The following NTSR1 variants were observed in gnomAD, a reference collection of about 807,000 sequenced individuals.
The protein encoded by NTSR1 is neurotensin receptor 1.
NTSR1 carries 29 observed loss-of-function variants against 31.2 expected under a neutral mutation model. The observed-to-expected ratio is 0.93, with a 90% CI of 0.69 to 1.27. The LOEUF (loss-of-function observed/expected upper bound fraction) is 1.27, where lower values mean the gene tolerates loss of function less well. Ranked by LOEUF, NTSR1 falls within the 50% of genes most tolerant of loss-of-function variation. The pLI is 0.00. For missense variants in NTSR1, 697 were observed against 595.4 expected (o/e 1.17, Z -1.78); for synonymous variants, 282 against 269.9 (o/e 1.04, Z -0.44).
At chr20:62,736,480 G>T (rs1200312339) in intron 1 of NTSR1, among the ~76,000 whole-genome samples, 1 of 152,268 alleles carries the variant, frequency 6.6e-6, no homozygotes, top group East Asian at 1.9e-4. Context: ...TGGGGAACCA[G>T]GAGAGGGGGT....
Position 62,742,489 on chromosome 20 carries a change from G to A in NTSR1, c.715-12196G>A, listed in dbSNP as rs559675203. 1.3e-5 allele frequency among the ~76,000 whole-genome samples: 2 copies of A among 149,626 alleles called. No individual in the cohort carries two copies. Among genetic ancestry groups the A allele is most frequent in the African/African-American group, 2.5e-5 (1 of 40,176 alleles). ...GCTTAGATGCCTGGGAGGGAGGACC[G>A]AGGAAAGAGACTGGGGACTGAGGGA... On this transcript the variant is annotated intron_variant, in intron 1 of 3. Coordinates refer to ENST00000370501, the MANE Select transcript of NTSR1 (RefSeq NM_002531.3). This position sits in a 1 kb window ranked among gnomAD's most constrained non-coding sequence, Gnocchi z 7.1.
intron 1 of NTSR1, among the ~76,000 whole-genome samples, chr20:62,727,478 C>T (rs528107163): frequency 3.9e-5 from 6 of 152,328 alleles, no homozygotes; most frequent in Non-Finnish European, 8.8e-5. Flanking sequence ...GGACTGCCGG[C>T]GGGTCTGGAG....
intron 1 of NTSR1, among the ~76,000 whole-genome samples, chr20:62,750,070 CG>C (rs1989367043): frequency 6.6e-6 from 1 of 152,188 alleles, no homozygotes; most frequent in Admixed American, 6.6e-5. Flanking sequence ...AGCAGACCCG[CG>C]GATCGAGAGA....
In NTSR1 at chr20:62,709,449, A is replaced by G; in HGVS notation, c.242A>G (p.Asn81Ser). ...CTCTTCGTGGTGGGCACGGTGGGCAACACGGTGACGGCGTTCACGCTGGCG... is the reference window on the plus strand; with the variant it reads ...CTCTTCGTGGTGGGCACGGTGGGCAGCACGGTGACGGCGTTCACGCTGGCG... ...LALFVVGTVGNTVTAFTLARK... is the reference protein window; with the variant it reads ...LALFVVGTVGSTVTAFTLARK... The change falls in exon 1 of 4, where the codon AAC becomes AGC. Residue 81 changes from asparagine to serine, a missense_variant. Physicochemically the swap from Asn to Ser is conservative, Grantham distance 46. Coordinates refer to ENST00000370501, the MANE Select transcript of NTSR1 (RefSeq NM_002531.3). 1 of 1,612,576 alleles carries G rather than the reference A, an allele frequency of 6.2e-7. No homozygotes were observed. Among genetic ancestry groups the G allele is most frequent in the Non-Finnish European group, 8.5e-7 (1 of 1,179,780 alleles).
intron 1 of NTSR1, among the ~76,000 whole-genome samples, chr20:62,722,279 C>T (rs1268682560): frequency 6.6e-6 from 1 of 152,170 alleles, no homozygotes; most frequent in Non-Finnish European, 1.5e-5. Flanking sequence ...TCAGTGGGCA[C>T]CTTCAGCCTC....
intron 1 of NTSR1, among the ~76,000 whole-genome samples, chr20:62,751,030 C>T (rs556590995): frequency 1.3e-5 from 2 of 152,270 alleles, no homozygotes; most frequent in East Asian, 1.9e-4. Flanking sequence ...CGTATGCCAG[C>T]ATGCCTGGAT....
chr20:62,734,816 G>C (rs1432775927), intron 1 of NTSR1, among the ~76,000 whole-genome samples: 1 of 152,252 alleles, frequency 6.6e-6, no homozygotes, highest in Non-Finnish European at 1.5e-5. Flanking sequence ...AGTTAAATAA[G>C]ATATCGTATT....
rs1989017033 is a variant in NTSR1 at position 62,732,529 on chromosome 20, C to T, written c.715-22156C>T. On this transcript the variant is annotated intron_variant, in intron 1 of 3. Transcript: ENST00000370501. This position sits in a 1 kb window ranked among gnomAD's most constrained non-coding sequence, Gnocchi z 4.0. The stretch of plus-strand genomic sequence containing the variant: ...ACCATGTAGCGCTGCATGAGATTCG[C>T]TGCTATTTGTGTAATTCTTAGTATG... 6.6e-6 allele frequency: 1 copy of T among 152,164 alleles called. No individual in the cohort carries two copies. The highest frequency in any genetic ancestry group is 6.5e-5 in the Admixed American group (1 of 15,278). The allele number at this position is 152,164 out of a possible 1,614,324, so 9.4% of individuals were successfully genotyped here.
chr20:62,713,664 A>G (rs542238474), intron 1 of NTSR1, among the ~76,000 whole-genome samples: 1 of 152,276 alleles, frequency 6.6e-6, no homozygotes, highest in South Asian at 2.1e-4. Context: ...GGCCAAATGG[A>G]AGGAGAGCAA....
In NTSR1 at chr20:62,758,306, C is replaced by A. The variant is rs770649409; in HGVS notation, c.957C>A (p.Tyr319Ter). ...VIAFVVCWLP[Y>*]HVRRLMFCYI... The stretch of plus-strand genomic sequence containing the variant: ...CCTTTGTGGTCTGCTGGCTGCCCTA[C>A]CACGTGCGGCGCCTCATGTTCTGCT... The change falls in exon 3 of 4, where the codon TAC becomes TAA. Residue 319 changes from tyrosine to a stop codon, truncating the protein, a stop_gained. Transcript: ENST00000370501. LOFTEE classifies it high-confidence loss of function. This position sits in a 1 kb window ranked among gnomAD's most constrained non-coding sequence, Gnocchi z 4.5. 1 of 1,613,792 alleles carries A rather than the reference C, an allele frequency of 6.2e-7. No individual in the cohort carries two copies.
At chr20:62,750,359 C>T (rs34455206) in intron 1 of NTSR1, among the ~76,000 whole-genome samples, 26,508 of 151,976 alleles carry the variant, frequency 0.17, 2,786 homozygotes, top group African/African-American at 0.3. Context: ...GAGTACATTC[C>T]GGAGCTTTGA....
At position 62,715,988 on chromosome 20, in the gene NTSR1, T is replaced by C. The variant is rs1988708616; in HGVS notation, c.714+6067T>C. Among the ~76,000 whole-genome samples, 1 of 152,208 alleles carries C rather than the reference T, an allele frequency of 6.6e-6. No homozygotes were observed. Among genetic ancestry groups the C allele is most frequent in the Non-Finnish European group, 1.5e-5 (1 of 68,038 alleles). On this transcript the variant is annotated intron_variant, in intron 1 of 3. Transcript: ENST00000370501. This position sits in a 1 kb window ranked among gnomAD's most constrained non-coding sequence, Gnocchi z 4.7. ...CTCAATCAAATCTCACGTGGTGATC[T>C]AGTAGTTTGTATTAAGAGAAGAAAG...
At chr20:62,716,972 C>T (rs1340650176) in intron 1 of NTSR1, among the ~76,000 whole-genome samples, 9 of 152,232 alleles carry the variant, frequency 5.9e-5, no homozygotes, top group African/African-American at 1.7e-4. Flanking sequence ...CCAGTGAAGG[C>T]GCAGTGGCCA....
In NTSR1 at chr20:62,714,131, C is replaced by T. The variant is rs1372666664; in HGVS notation, c.714+4210C>T. Reference sequence around the variant, plus strand: ...TGCAGAAGAAGTTCTTCAAGGGGTCCTTAGGAACAGCCTGCTCCACTCTGA... The same window carrying T: ...TGCAGAAGAAGTTCTTCAAGGGGTCTTTAGGAACAGCCTGCTCCACTCTGA... On this transcript the variant is annotated intron_variant, in intron 1 of 3. Transcript: ENST00000370501. This position sits in a 1 kb window ranked among gnomAD's most constrained non-coding sequence, Gnocchi z 4.1. Among the ~76,000 whole-genome samples the T allele has an allele frequency of 2.6e-5, 4 of 152,192 alleles. No homozygotes were observed. In the East Asian group the frequency reaches 7.7e-4, roughly 29 times the overall value.
intron 2 of NTSR1, among the ~76,000 whole-genome samples, chr20:62,756,069 G>A (rs534038330): frequency 8.6e-5 from 13 of 151,972 alleles, no homozygotes; most frequent in Middle Eastern, 3.4e-3. Context: ...CTTGCTCACA[G>A]GCATGGAGGC....
At position 62,714,958 on chromosome 20, in the gene NTSR1, G is replaced by A. The variant is rs146760949; in HGVS notation, c.714+5037G>A. ...GTCCTGCTCTCTTAGAGGTACATGC[G>A]GAAATGTTTACAGACAAAATGATGC... is the stretch of plus-strand genomic sequence containing the variant. On this transcript the variant is annotated intron_variant, in intron 1 of 3. Transcript: ENST00000370501. This position sits in a 1 kb window ranked among gnomAD's most constrained non-coding sequence, Gnocchi z 4.1. Among the ~76,000 whole-genome samples the A allele has an allele frequency of 4.6e-5, 7 of 152,254 alleles. No homozygotes were observed. The East Asian group carries it at 1.2e-3, about 25-fold the overall frequency.
chr20:62,735,739 G>A (rs1287652527), intron 1 of NTSR1, among the ~76,000 whole-genome samples: 1 of 152,210 alleles, frequency 6.6e-6, no homozygotes, highest in Non-Finnish European at 1.5e-5. Flanking sequence ...CTCACCTCCT[G>A]AGGCTGGCGT....
intron 1 of NTSR1, among the ~76,000 whole-genome samples, chr20:62,730,138 C>CATCA (rs1468758221): frequency 6.6e-6 from 1 of 152,102 alleles, no homozygotes; most frequent in Non-Finnish European, 1.5e-5. Context: ...TATTAGGGTT[C>CATCA]ATCAGTCTTG....
rs1289097368 is a variant in NTSR1, at chr20:62,743,181, C to G, written c.715-11504C>G. On this transcript the variant is annotated intron_variant, in intron 1 of 3. Transcript: ENST00000370501. This position sits in a 1 kb window ranked among gnomAD's most constrained non-coding sequence, Gnocchi z 7.5. Reference sequence around the variant, plus strand: ...CCACCCATTGCCTCATTGCTCCCTGCCCCCGGTCCAGTCAGCTGAGTGCCC... The same window carrying G: ...CCACCCATTGCCTCATTGCTCCCTGGCCCCGGTCCAGTCAGCTGAGTGCCC... 6.7e-6 allele frequency among the ~76,000 whole-genome samples: 1 copy of G among 149,444 alleles called. No homozygotes were observed. Among genetic ancestry groups the G allele is most frequent in the Non-Finnish European group, 1.5e-5 (1 of 68,020 alleles).
Sources: allele counts gnomAD v4.1 joint callset (sites outside exome capture counted in the v4.1 genomes callset), GRCh38; gene constraint gnomAD v4.1.1; non-coding constraint Gnocchi (gnomAD v3.1); transcripts MANE v1.5; gene names NCBI Gene and HGNC (gene_info 2026-07-23, HGNC 2026-07-21).